Variants in LTBP1 observed in about 807,000 individuals in gnomAD.
LTBP1 encodes latent-transforming growth factor beta-binding protein 1.
A neutral mutation model predicts 207.6 loss-of-function variants in LTBP1; 129 were observed. The ratio of observed to expected loss-of-function variants is 0.62; its 90% CI spans 0.54 to 0.72. The LOEUF (loss-of-function observed/expected upper bound fraction) is 0.72. Among genes scored for constraint, LTBP1 ranks in the 30% least tolerant of loss-of-function variants. The pLI is 0.00. For missense variants in LTBP1, 2,281 were observed against 2,217.2 expected, an observed-to-expected ratio of 1.03 and a Z score of -0.58; for synonymous variants, 963 against 833.7, an observed-to-expected ratio of 1.16 and a Z score of -2.67.
Position 33,262,754 on chromosome 2 carries a change from A to G in LTBP1, c.2451A>G (p.Lys817=), listed in dbSNP as rs1401737804. 6.2e-7 allele frequency: 1 copy of G among 1,605,484 alleles called. No individual in the cohort carries two copies. The highest frequency in any genetic ancestry group is 1.7e-5 in the Admixed American group (1 of 59,472). ...EIPSLDQEKT[K]LEPGQPQLSP... is the part of the protein sequence containing the mutation. ...CTTCATTGGATCAAGAGAAAACCAA[A>G]CTTGAGCCTGGTCAACCCCAGCTGT... Residue 817 remains lysine, a synonymous_variant, in exon 14 of 34, where the codon AAA becomes AAG. Coordinates refer to ENST00000404816, the MANE Select transcript of LTBP1 (RefSeq NM_206943.4).
chr2:33,129,430 T>C (rs758514261), intron 4 of LTBP1, among the ~76,000 whole-genome samples: 3 of 152,186 alleles, frequency 2.0e-5, no homozygotes, highest in Non-Finnish European at 4.4e-5. Context: ...CACCAGACTG[T>C]CCCACGGTGT....
chr2:32,974,944 C>G (rs568619341), intron 2 of LTBP1, among the ~76,000 whole-genome samples: 2 of 152,210 alleles, frequency 1.3e-5, no homozygotes, highest in East Asian at 3.9e-4. Flanking sequence ...ATTATGCAGA[C>G]TTGATTTTGT....
chr2:33,223,194 C>CT (rs2091231863), intron 9 of LTBP1, among the ~76,000 whole-genome samples: 1 of 152,184 alleles, frequency 6.6e-6, no homozygotes, highest in Non-Finnish European at 1.5e-5. Flanking sequence ...AGTAGATTGT[C>CT]TATCACCCTA....
intron 3 of LTBP1, among the ~76,000 whole-genome samples, chr2:33,025,098 G>A (rs191994909): frequency 6.6e-6 from 1 of 152,300 alleles, no homozygotes; most frequent in East Asian, 1.9e-4. Flanking sequence ...CAGAGTGAGT[G>A]ATCCTAGATT....
In LTBP1 at chr2:32,961,283, A is replaced by G. The variant is rs575759544; in HGVS notation, c.565+12338A>G. ...CTCTGCCGAGCTCTCGTGGAAAGGCAAGACCCTCAGCAGGGAGCTGCGAGG... is the reference window on the plus strand; with the variant it reads ...CTCTGCCGAGCTCTCGTGGAAAGGCGAGACCCTCAGCAGGGAGCTGCGAGG... On this transcript the variant is annotated intron_variant, in intron 2 of 33. Coordinates refer to ENST00000404816, the MANE Select transcript of LTBP1 (RefSeq NM_206943.4). 3.3e-5 allele frequency among the ~76,000 whole-genome samples: 5 copies of G among 152,330 alleles called. No individual in the cohort carries two copies. The East Asian group carries it at 9.7e-4, about 29-fold the overall frequency.
rs1346004804 is a variant in LTBP1 at position 33,088,108 on chromosome 2, T to G, written c.864-22474T>G. On this transcript the variant is annotated intron_variant, in intron 3 of 33. Coordinates refer to ENST00000404816, the MANE Select transcript of LTBP1 (RefSeq NM_206943.4). ...ATACAAAGTTTTACAAATAGGGATT[T>G]GAAGTGATTGCTTTTATGGCATGGA... Among the ~76,000 whole-genome samples, 5 of 152,236 alleles carry G rather than the reference T, an allele frequency of 3.3e-5. No homozygotes were observed. The East Asian group carries it at 9.6e-4, about 29-fold the overall frequency.
intron 5 of LTBP1, among the ~76,000 whole-genome samples, chr2:33,177,075 C>A (rs762223897): frequency 6.6e-6 from 1 of 152,116 alleles, no homozygotes; most frequent in Non-Finnish European, 1.5e-5. Context: ...ACCCAATGTC[C>A]TGCCAGTAAG....
At chr2:33,282,458 ATAG>A (rs1271653761) in intron 19 of LTBP1, among the ~76,000 whole-genome samples, 2 of 152,058 alleles carry the variant, frequency 1.3e-5, no homozygotes, top group African/African-American at 4.8e-5. Context: ...TTAATTTTTT[ATAG>A]TAGTAGAGCT....
intron 3 of LTBP1, among the ~76,000 whole-genome samples, chr2:33,105,858 A>G (rs1368747756): frequency 6.6e-6 from 1 of 152,186 alleles, no homozygotes; most frequent in Non-Finnish European, 1.5e-5. Flanking sequence ...TTGCCACATC[A>G]ATTGACTTTT....
rs1486426325 is a variant in LTBP1 at position 33,020,954 on chromosome 2, C to G, written c.611C>G (p.Pro204Arg). ...PCQNGGMCLR[P>R]QLCVCKPGTK... ...CAGAATGGAGGGATGTGTCTCCGGCCACAACTCTGTGTGTGTAAACCAGGG... is the reference window on the plus strand; with the variant it reads ...CAGAATGGAGGGATGTGTCTCCGGCGACAACTCTGTGTGTGTAAACCAGGG... Residue 204 changes from proline to arginine, a missense_variant, in exon 3 of 34, where the codon CCA becomes CGA. This residue lies in a region of LTBP1 where 555 missense variants were observed against 491.0 expected (regional missense o/e 1.13). Transcript: ENST00000404816. 1.9e-6 allele frequency: 3 copies of G among 1,605,452 alleles called. No individual in the cohort carries two copies. Among genetic ancestry groups the G allele is most frequent in the African/African-American group, 1.3e-5 (1 of 74,824 alleles).
At chr2:33,158,145 AAAC>A (rs1230541047) in intron 5 of LTBP1, among the ~76,000 whole-genome samples, 5 of 119,048 alleles carry the variant, frequency 4.2e-5, no homozygotes, top group African/African-American at 1.5e-4. Flanking sequence ...CTCAAAAAAA[AAAC>A]AAAAAAAAAA....
At chr2:33,158,322 T>C (rs1005407271) in intron 5 of LTBP1, among the ~76,000 whole-genome samples, 1 of 152,074 alleles carries the variant, frequency 6.6e-6, no homozygotes, top group Non-Finnish European at 1.5e-5. Flanking sequence ...AGTAGTTACA[T>C]AGAAGTAAGT....
At chr2:32,959,311 C>T (rs190399726) in intron 2 of LTBP1, among the ~76,000 whole-genome samples, 155 of 151,852 alleles carry the variant, frequency 1.0e-3, no homozygotes, top group Admixed American at 5.3e-3. Flanking sequence ...TGGCTGGAGG[C>T]GACTCTTCGG....
intron 31 of LTBP1, among the ~76,000 whole-genome samples, chr2:33,373,807 T>C (rs2095101888): frequency 6.6e-6 from 1 of 152,204 alleles, no homozygotes; most frequent in Admixed American, 6.5e-5. Context: ...TAAAGTTGTA[T>C]TTAATGAAAT....
chr2:33,197,774 G>T (rs749164642), intron 7 of LTBP1, among the ~76,000 whole-genome samples: 1 of 152,086 alleles, frequency 6.6e-6, no homozygotes, highest in Non-Finnish European at 1.5e-5. Flanking sequence ...TAGAGTTCAG[G>T]GTCCAGCTTC....
intron 19 of LTBP1, among the ~76,000 whole-genome samples, chr2:33,281,156 A>G (rs1054624576): frequency 6.6e-6 from 1 of 152,032 alleles, no homozygotes; most frequent in Non-Finnish European, 1.5e-5. Flanking sequence ...AACTGATATG[A>G]CCCCTTCCTT....
At chr2:33,353,753 C>G (rs1276505231) in intron 26 of LTBP1, among the ~76,000 whole-genome samples, 1 of 151,886 alleles carries the variant, frequency 6.6e-6, no homozygotes, top group East Asian at 1.9e-4. Flanking sequence ...TCCCCACTGT[C>G]AAGGAACACA....
intron 26 of LTBP1, among the ~76,000 whole-genome samples, chr2:33,353,831 G>GGTACACTACA (rs1182566570): frequency 6.6e-6 from 1 of 150,978 alleles, no homozygotes; most frequent in Non-Finnish European, 1.5e-5. Context: ...TTCCTAGAGA[G>GGTACACTACA]GTACACTACA....
chr2:33,051,127 A>G (rs541915595), intron 3 of LTBP1, among the ~76,000 whole-genome samples: 2 of 152,294 alleles, frequency 1.3e-5, no homozygotes, highest in South Asian at 4.1e-4. Context: ...TGTAAAAACT[A>G]TAGTCCCCGC....
Sources: allele counts gnomAD v4.1 joint callset (sites outside exome capture counted in the v4.1 genomes callset), GRCh38; gene constraint gnomAD v4.1.1; regional missense constraint gnomAD v4.1.1; transcripts MANE v1.5; gene names NCBI Gene and HGNC (gene_info 2026-07-23, HGNC 2026-07-21).